Variants in SMAP1 observed in about 807,000 individuals in gnomAD.
SMAP1 encodes stromal membrane-associated protein 1.
Under a neutral mutation model 58.5 loss-of-function variants are expected in SMAP1, and 24 were observed. The ratio of observed to expected loss-of-function variants is 0.41; its 90% CI spans 0.30 to 0.58. The LOEUF is 0.58. SMAP1 is among the 20% of genes least tolerant of loss of function. SMAP1 has a pLI of 0.29. For synonymous variants in SMAP1, 216 were observed against 196.6 expected (o/e 1.10, Z -0.82); for missense variants, 563 against 566.3 (o/e 0.99, Z 0.06).
chr6:70,828,521 G>T (rs1370752598), intron 6 of SMAP1, among the ~76,000 whole-genome samples: 1 of 152,146 alleles, frequency 6.6e-6, no homozygotes, highest in African/African-American at 2.4e-5. Flanking sequence ...AACAATGGTG[G>T]TCAGATTTTT....
chr6:70,667,926 C>T lies in SMAP1; in HGVS notation c.-98C>T. On this transcript the variant is annotated 5_prime_UTR_variant, in exon 1 of 11. Transcript: ENST00000370455. ...CTGCCGCTTCCTGGGCTGAGTCCGCCCGCGGTCCCGGCGGCGCCAGGTGCG... is the reference window on the plus strand; with the variant it reads ...CTGCCGCTTCCTGGGCTGAGTCCGCTCGCGGTCCCGGCGGCGCCAGGTGCG... 1 of 1,049,180 alleles carries T rather than the reference C, an allele frequency of 9.5e-7. No homozygotes were observed. Among genetic ancestry groups the T allele is most frequent in the South Asian group, 1.6e-5 (1 of 62,318 alleles). The allele number at this position is 1,049,180 out of a possible 1,614,324, so 65.0% of individuals were successfully genotyped here. A position where few individuals can be genotyped will look rare whatever the true frequency, so the allele number is the denominator to read the frequency against.
intron 3 of SMAP1, among the ~76,000 whole-genome samples, chr6:70,759,369 AG>A (rs1766652747): frequency 1.3e-5 from 2 of 151,658 alleles, no homozygotes; most frequent in African/African-American, 2.4e-5. Context: ...CAGGGTGGGG[AG>A]GTTGGGTTGG....
At position 70,860,401 on chromosome 6, in the gene SMAP1, C is replaced by G. The variant is rs1771664540; in HGVS notation, c.*67C>G. On this transcript the variant is annotated 3_prime_UTR_variant, in exon 11 of 11. Coordinates refer to ENST00000370455, the MANE Select transcript of SMAP1 (RefSeq NM_001044305.3). ...TCCTTGCTGAAACGCATCTAGTTCCCCTGTTTATTCATATGCATATTTTTT... is the reference window on the plus strand; with the variant it reads ...TCCTTGCTGAAACGCATCTAGTTCCGCTGTTTATTCATATGCATATTTTTT... The G allele has an allele frequency of 1.3e-6, 2 of 1,533,440 alleles. No individual in the cohort carries two copies. Among genetic ancestry groups the G allele is most frequent in the Non-Finnish European group, 1.8e-6 (2 of 1,140,952 alleles). 95.0% of individuals were successfully genotyped at this position (1,533,440 alleles called of 1,614,324 possible). A position where few individuals can be genotyped will look rare whatever the true frequency, so the allele number is the denominator to read the frequency against.
intron 7 of SMAP1, among the ~76,000 whole-genome samples, chr6:70,840,467 A>T (rs1770759396): frequency 6.6e-6 from 1 of 152,170 alleles, no homozygotes; most frequent in African/African-American, 2.4e-5. Context: ...CCAAATAGAC[A>T]TTATTTTTGG....
chr6:70,728,287 A>G (rs1765270642), intron 1 of SMAP1, among the ~76,000 whole-genome samples: 1 of 151,714 alleles, frequency 6.6e-6, no homozygotes, highest in Admixed American at 6.6e-5. Context: ...GGCAAAATAT[A>G]TCATTTCTGT....
intron 7 of SMAP1, among the ~76,000 whole-genome samples, chr6:70,838,197 C>T (rs1770673420): frequency 6.6e-6 from 1 of 152,064 alleles, no homozygotes; most frequent in Non-Finnish European, 1.5e-5. Flanking sequence ...ATATCATTAT[C>T]TTCACTGCAG....
At chr6:70,726,874 G>GGTGTGTGTGT (rs35977042) in intron 1 of SMAP1, among the ~76,000 whole-genome samples, 3 of 144,808 alleles carry the variant, frequency 2.1e-5, no homozygotes, top group Non-Finnish European at 4.6e-5. Context: ...AAATTTTAGG[G>GGTGTGTGTGT]GTGTGTGTGT....
chr6:70,741,711 C>T (rs1467408850), intron 2 of SMAP1, among the ~76,000 whole-genome samples: 3 of 152,214 alleles, frequency 2.0e-5, no homozygotes, highest in Admixed American at 2.0e-4. Context: ...TGGGGGCTTG[C>T]ATGACACATT....
At chr6:70,745,600 G>A (rs12191617) in intron 2 of SMAP1, among the ~76,000 whole-genome samples, 74,984 of 151,570 alleles carry the variant, frequency 0.49, 18,791 homozygotes, top group African/African-American at 0.52. Flanking sequence ...TTTGAAGTCA[G>A]GTAGTGTGAT....
chr6:70,858,794 C>T (rs893198411), intron 10 of SMAP1: 1 of 152,720 alleles, frequency 6.5e-6, no homozygotes, highest in Non-Finnish European at 1.5e-5. Context: ...GTTGTATTTT[C>T]TTTTTACATA....
rs767722439 is a variant in SMAP1 at position 70,838,339 on chromosome 6, C to T, written c.664+1311C>T. 4.9e-4 allele frequency among the ~76,000 whole-genome samples: 75 copies of T among 152,254 alleles called. 1 individual carries two copies. Among genetic ancestry groups the T allele is most frequent in the Non-Finnish European group, 9.0e-4 (61 of 68,012 alleles). ...CTACTGTCTATTGTGTGTCAAGGTA[C>T]CATTGTAGATACTAGGGAGATAGAT... On this transcript the variant is annotated intron_variant, in intron 7 of 10. Coordinates refer to ENST00000370455, the MANE Select transcript of SMAP1 (RefSeq NM_001044305.3).
intron 7 of SMAP1, 144 bp from the exon 8 acceptor site, chr6:70,852,396 G>A (rs1253397349): frequency 7.0e-6 from 5 of 710,544 alleles, no homozygotes; most frequent in South Asian, 7.9e-5. Flanking sequence ...AAAGGGGATC[G>A]GGGGTAGGTA....
At chr6:70,729,138 C>A (rs1765307688) in intron 1 of SMAP1, among the ~76,000 whole-genome samples, 1 of 152,128 alleles carries the variant, frequency 6.6e-6, no homozygotes, top group African/African-American at 2.4e-5. Context: ...CTGCAACTCT[C>A]ATCTTAAAAG....
intron 1 of SMAP1, among the ~76,000 whole-genome samples, chr6:70,712,193 G>A (rs528604953): frequency 3.3e-5 from 5 of 152,202 alleles, no homozygotes; most frequent in Non-Finnish European, 7.3e-5. Flanking sequence ...AGATGATCAT[G>A]TGGCTTGTAT....
intron 1 of SMAP1, among the ~76,000 whole-genome samples, chr6:70,711,266 A>G (rs1768046570): frequency 1.3e-5 from 2 of 152,224 alleles, no homozygotes; most frequent in Non-Finnish European, 1.5e-5. Flanking sequence ...CATGTTAGTA[A>G]TTTGTTGTGC....
intron 4 of SMAP1, among the ~76,000 whole-genome samples, chr6:70,778,082 A>G (rs1767617474): frequency 6.6e-6 from 1 of 152,020 alleles, no homozygotes; most frequent in South Asian, 2.1e-4. Context: ...ATAATTTTTA[A>G]TTTTTGTGGG....
At chr6:70,783,522 C>CA (rs1183203282) in intron 4 of SMAP1, among the ~76,000 whole-genome samples, 1 of 152,026 alleles carries the variant, frequency 6.6e-6, no homozygotes, top group Non-Finnish European at 1.5e-5. Flanking sequence ...GGAGGAAACT[C>CA]AAACAAATGG....
At chr6:70,835,192 C>T (rs1166130624) in intron 6 of SMAP1, among the ~76,000 whole-genome samples, 1 of 140,122 alleles carries the variant, frequency 7.1e-6, no homozygotes, top group Non-Finnish European at 1.5e-5. Flanking sequence ...GCGGAGCTTG[C>T]AGTGAGCCAA....
intron 2 of SMAP1, among the ~76,000 whole-genome samples, chr6:70,735,441 G>A (rs1467814057): frequency 2.0e-5 from 3 of 152,182 alleles, no homozygotes; most frequent in African/African-American, 7.2e-5. Flanking sequence ...GTGATATAAT[G>A]TTCCATATTC....
Sources: allele counts gnomAD v4.1 joint callset (sites outside exome capture counted in the v4.1 genomes callset), GRCh38; gene constraint gnomAD v4.1.1; transcripts MANE v1.5; gene names NCBI Gene and HGNC (gene_info 2026-07-23, HGNC 2026-07-21).